GULP1: variants seen among roughly 807,000 people sequenced by gnomAD.
GULP1 encodes the protein GULP PTB domain containing engulfment adaptor 1.
In GULP1, 19 loss-of-function variants were observed where a neutral mutation model predicts 40.9. That is an observed-to-expected ratio of 0.46 (90% CI 0.32 to 0.68). The LOEUF (loss-of-function observed/expected upper bound fraction) is 0.68, where lower values mean the gene tolerates loss of function less well. Among genes scored for constraint, GULP1 ranks in the 30% least tolerant of loss-of-function variants. GULP1 has a pLI of 0.03. For missense variants in GULP1, 312 were observed against 362.2 expected, an observed-to-expected ratio of 0.86 and a Z score of 1.12; for synonymous variants, 119 against 117.6, an observed-to-expected ratio of 1.01 and a Z score of -0.08.
intron 2 of GULP1, among the ~76,000 whole-genome samples, chr2:188,447,194 C>T (rs2058464907): frequency 6.6e-6 from 1 of 152,018 alleles, no homozygotes; most frequent in Non-Finnish European, 1.5e-5. Context: ...GTTGTGGAGA[C>T]CAGAGTTTTA....
chr2:188,458,381 T>C (rs1201877719), intron 2 of GULP1, among the ~76,000 whole-genome samples: 1 of 152,176 alleles, frequency 6.6e-6, no homozygotes, highest in Non-Finnish European at 1.5e-5. Context: ...CTCCATTTCC[T>C]ACCTTATTTC....
intron 1 of GULP1, among the ~76,000 whole-genome samples, chr2:188,358,071 C>T (rs2045592435): frequency 6.6e-6 from 1 of 152,070 alleles, no homozygotes; most frequent in Non-Finnish European, 1.5e-5. Context: ...GTCCCAGGTA[C>T]TCAGGAAGCT....
chr2:188,376,909 C>T (rs2048358647), intron 1 of GULP1, among the ~76,000 whole-genome samples: 2 of 152,168 alleles, frequency 1.3e-5, no homozygotes, highest in Non-Finnish European at 2.9e-5. Flanking sequence ...CGCAGTGGCT[C>T]ATGCCTGTAA....
At chr2:188,356,376 G>C (rs1016238360) in intron 1 of GULP1, among the ~76,000 whole-genome samples, 1 of 152,052 alleles carries the variant, frequency 6.6e-6, no homozygotes, top group Non-Finnish European at 1.5e-5. Flanking sequence ...AAAATCAGTA[G>C]TGTTTCTATA....
At chr2:188,368,931 ATATGTGTG>A (rs1248359339) in intron 1 of GULP1, among the ~76,000 whole-genome samples, 30 of 40,046 alleles carry the variant, frequency 7.5e-4, no homozygotes, top group Middle Eastern at 9.3e-3. Context: ...ATGTATATAT[ATATGTGTG>A]TATATATATA....
chr2:188,514,621 C>A (rs567714916), intron 4 of GULP1, among the ~76,000 whole-genome samples: 1 of 152,160 alleles, frequency 6.6e-6, no homozygotes, highest in East Asian at 1.9e-4. Flanking sequence ...CATTATACTC[C>A]TTTTTTCATC....
intron 2 of GULP1, among the ~76,000 whole-genome samples, chr2:188,436,670 AT>A (rs2057435518): frequency 6.6e-6 from 1 of 152,068 alleles, no homozygotes; most frequent in Non-Finnish European, 1.5e-5. Flanking sequence ...TTTGACTTAT[AT>A]TTTCAGCTAT....
intron 1 of GULP1, among the ~76,000 whole-genome samples, chr2:188,341,625 A>AT (rs1393169763): frequency 6.6e-6 from 1 of 152,152 alleles, no homozygotes; most frequent in Non-Finnish European, 1.5e-5. Flanking sequence ...TAAAGGATCG[A>AT]TTTTCAGACA....
chr2:188,514,040 A>AGAGTGTGTGTGTGT (rs1553577815), intron 4 of GULP1, among the ~76,000 whole-genome samples: 1 of 122,998 alleles, frequency 8.1e-6, no homozygotes, highest in Admixed American at 8.8e-5. Context: ...TCCCCTTCTG[A>AGAGTGTGTGTGTGT]GTGTGTGTGT....
At chr2:188,376,461 A>G (rs970824461) in intron 1 of GULP1, among the ~76,000 whole-genome samples, 1 of 152,208 alleles carries the variant, frequency 6.6e-6, no homozygotes, top group African/African-American at 2.4e-5. Context: ...GAATTGAGTG[A>G]ACAGTTGGTT....
chr2:188,447,109 A>T (rs575276920), intron 2 of GULP1, among the ~76,000 whole-genome samples: 2 of 152,280 alleles, frequency 1.3e-5, no homozygotes, highest in South Asian at 4.1e-4. Flanking sequence ...AGAATTAAAA[A>T]TTTTCATATT....
At chr2:188,297,529 A>C in intron 1 of GULP1, 1 of 472,196 alleles carries the variant, frequency 2.1e-6, no homozygotes, top group South Asian at 1.6e-5. Context: ...CAAGGATCTT[A>C]AACTTTGCCA....
chr2:188,381,160 CTCTT>C (rs771912690), intron 1 of GULP1, among the ~76,000 whole-genome samples: 2 of 152,054 alleles, frequency 1.3e-5, no homozygotes, highest in Non-Finnish European at 2.9e-5. Context: ...ATTCAAAGTG[CTCTT>C]TCTATGAAAA....
At chr2:188,460,521 T>G (rs2059617694) in intron 2 of GULP1, among the ~76,000 whole-genome samples, 1 of 152,152 alleles carries the variant, frequency 6.6e-6, no homozygotes, top group Non-Finnish European at 1.5e-5. Context: ...AATTTGTTTA[T>G]GAGTTCTAAT....
chr2:188,293,444 A>G (rs913450918), intron 1 of GULP1, among the ~76,000 whole-genome samples: 1 of 152,212 alleles, frequency 6.6e-6, no homozygotes, highest in Non-Finnish European at 1.5e-5. Flanking sequence ...AGCAGGAGAC[A>G]ATACTGATGA....
intron 1 of GULP1, among the ~76,000 whole-genome samples, chr2:188,296,464 T>A (rs935385834): frequency 2.0e-5 from 3 of 152,110 alleles, no homozygotes; most frequent in African/African-American, 7.2e-5. Flanking sequence ...CAGAGGACAG[T>A]TAATTGACTC....
chr2:188,346,906 G>A (rs914371093), intron 1 of GULP1, among the ~76,000 whole-genome samples: 2 of 150,956 alleles, frequency 1.3e-5, no homozygotes, highest in African/African-American at 4.9e-5. Context: ...GGGAGGCAGA[G>A]CTTGCAGTGA....
chr2:188,318,447 T>C (rs1438248849), intron 1 of GULP1, among the ~76,000 whole-genome samples: 1 of 152,110 alleles, frequency 6.6e-6, no homozygotes, highest in East Asian at 1.9e-4. Flanking sequence ...TGGTATTCAA[T>C]TGTTCTTTTC....
chr2:188,352,616 T>TCACACACACA (rs1179352194), intron 1 of GULP1, among the ~76,000 whole-genome samples: 1,739 of 75,960 alleles, frequency 0.023, 22 homozygotes, highest in East Asian at 0.06. Flanking sequence ...TCTCTCTCTC[T>TCACACACACA]CTCACACACA....
Sources: allele counts gnomAD v4.1 joint callset (sites outside exome capture counted in the v4.1 genomes callset), GRCh38; gene constraint gnomAD v4.1.1; transcripts MANE v1.5; gene names NCBI Gene and HGNC (gene_info 2026-07-23, HGNC 2026-07-21).